MPPED2: variants seen among roughly 807,000 people sequenced by gnomAD.
MPPED2 encodes the protein metallophosphoesterase MPPED2.
In MPPED2, 5 loss-of-function variants were observed where a neutral mutation model predicts 33.0. The ratio of observed to expected loss-of-function variants is 0.15; its 90% CI spans 0.08 to 0.32. The LOEUF is 0.32. Ranked by LOEUF, MPPED2 falls within the 10% of genes least tolerant of loss-of-function variation. The pLI, the probability that MPPED2 is intolerant of heterozygous loss-of-function variation, is 1.00. For synonymous variants in MPPED2, 136 were observed against 141.9 expected (o/e 0.96, Z 0.29); for missense variants, 275 against 372.1 (o/e 0.74, Z 2.15).
chr11:30,405,894 G>A (rs1947981757), downstream of MPPED2, among the ~76,000 whole-genome samples: 1 of 152,102 alleles, frequency 6.6e-6, no homozygotes, highest in Admixed American at 6.5e-5. Flanking sequence ...TTTTCTACAA[G>A]TGTGGAATCT....
intron 4 of MPPED2, among the ~76,000 whole-genome samples, chr11:30,419,753 T>G (rs768004476): frequency 1.2e-4 from 18 of 152,162 alleles, no homozygotes; most frequent in Non-Finnish European, 2.1e-4. Flanking sequence ...ATCCTGAATC[T>G]TAAGACTTAT....
At chr11:30,547,185 C>T (rs12276680) in intron 2 of MPPED2, among the ~76,000 whole-genome samples, 34,852 of 152,122 alleles carry the variant, frequency 0.23, 4,315 homozygotes, top group East Asian at 0.42. Context: ...CAGTGTTAAG[C>T]AACTTCAAAC....
chr11:30,435,332 C>G (rs1321230550), intron 4 of MPPED2, among the ~76,000 whole-genome samples: 1 of 152,144 alleles, frequency 6.6e-6, no homozygotes, highest in Non-Finnish European at 1.5e-5. Flanking sequence ...TTCTTAAAGC[C>G]TTTTAACAAG....
intron 3 of MPPED2, among the ~76,000 whole-genome samples, chr11:30,532,207 C>G (rs1461756829): frequency 6.6e-6 from 1 of 152,192 alleles, no homozygotes; most frequent in Non-Finnish European, 1.5e-5. Context: ...CCTGCCCCAT[C>G]CAAATTCTAT....
chr11:30,498,160 A>T (rs968343481), intron 3 of MPPED2, among the ~76,000 whole-genome samples: 1 of 151,974 alleles, frequency 6.6e-6, no homozygotes, highest in African/African-American at 2.4e-5. Flanking sequence ...TAAAATTGTC[A>T]GGCAAAGAGG....
chr11:30,403,634 C>A (rs185899155), intron 6 of MPPED2, among the ~76,000 whole-genome samples: 2 of 152,306 alleles, frequency 1.3e-5, no homozygotes, highest in Admixed American at 6.5e-5. Flanking sequence ...CCATTTGATG[C>A]TTCAAATCTT....
At chr11:30,521,329 C>T (rs900571230) in intron 3 of MPPED2, among the ~76,000 whole-genome samples, 3 of 152,174 alleles carry the variant, frequency 2.0e-5, no homozygotes, top group African/African-American at 7.2e-5. Context: ...TCATCCCCAC[C>T]AGCCCCATTT....
chr11:30,537,499 T>G (rs1954875985), intron 2 of MPPED2, among the ~76,000 whole-genome samples: 1 of 152,350 alleles, frequency 6.6e-6, no homozygotes, highest in South Asian at 2.1e-4. Context: ...CTTTATTTAT[T>G]TATTTTCTTA....
At chr11:30,446,187 G>C (rs1315208571) in intron 4 of MPPED2, among the ~76,000 whole-genome samples, 1 of 152,186 alleles carries the variant, frequency 6.6e-6, no homozygotes, top group Non-Finnish European at 1.5e-5. Context: ...TCCAGGCCCT[G>C]GGAATTCTGT....
chr11:30,445,676 A>C (rs1949773311), intron 4 of MPPED2, among the ~76,000 whole-genome samples: 1 of 152,168 alleles, frequency 6.6e-6, no homozygotes. Flanking sequence ...TGACCACTCT[A>C]AGTACCTCAT....
chr11:30,416,405 C>T (rs1417216193), intron 5 of MPPED2, among the ~76,000 whole-genome samples: 2 of 152,134 alleles, frequency 1.3e-5, no homozygotes, highest in Non-Finnish European at 2.9e-5. Context: ...GAGAAAATAT[C>T]TACAAAAATT....
At chr11:30,566,931 G>A (rs933266002) in intron 2 of MPPED2, among the ~76,000 whole-genome samples, 1 of 152,062 alleles carries the variant, frequency 6.6e-6, no homozygotes, top group East Asian at 1.9e-4. Flanking sequence ...CCTAAAAAGG[G>A]GACAAAGCTA....
At chr11:30,414,661 A>G (rs1279664232) in intron 5 of MPPED2, among the ~76,000 whole-genome samples, 1 of 151,972 alleles carries the variant, frequency 6.6e-6, no homozygotes, top group Non-Finnish European at 1.5e-5. Context: ...CGGCAGTCCC[A>G]TAATATCTCT....
chr11:30,506,650 A>G (rs1413084852), intron 3 of MPPED2, among the ~76,000 whole-genome samples: 1 of 152,242 alleles, frequency 6.6e-6, no homozygotes, highest in East Asian at 1.9e-4. Flanking sequence ...ATTTTAAACC[A>G]TTAAGTATGG....
intron 4 of MPPED2, among the ~76,000 whole-genome samples, chr11:30,481,048 G>A (rs1951462941): frequency 6.6e-6 from 1 of 152,074 alleles, no homozygotes; most frequent in Non-Finnish European, 1.5e-5. Flanking sequence ...GTGAGGAAAT[G>A]CACAAAATTG....
chr11:30,414,253 G>A lies in MPPED2; in HGVS notation c.741C>T (p.Leu247=). 1 of 1,613,750 alleles carries A rather than the reference G, an allele frequency of 6.2e-7. No individual in the cohort carries two copies. The highest frequency in any genetic ancestry group is 8.5e-7 in the Non-Finnish European group (1 of 1,179,750). Residue 247 remains leucine (L), a synonymous_variant, in exon 6 of 7, where the codon CTC becomes CTT. Transcript: ENST00000358117. ...CTTCATGGATTCCACCAAACACATG[G>A]AGCTTGGGCCGGACTCGCCTCTGAA... The part of the protein sequence containing the change: ...NTVQRRVRPK[L]HVFGGIHEGY...
At position 30,469,467 on chromosome 11, in the gene MPPED2, T is replaced by C. The variant is rs117481715; in HGVS notation, c.536+25829A>G. On this transcript the variant is annotated intron_variant, in intron 4 of 6. Transcript: ENST00000358117. ...GCATGCCTACTGTTACTCCTTTTTATAGATGAAAAATCTCAGAATCGGAGA... is the reference window on the plus strand; with the variant it reads ...GCATGCCTACTGTTACTCCTTTTTACAGATGAAAAATCTCAGAATCGGAGA... Among the ~76,000 whole-genome samples, 575 of 152,296 alleles carry C rather than the reference T, an allele frequency of 3.8e-3. 13 individuals carry two copies. The East Asian group carries it at 0.067, about 18-fold the overall frequency.
At chr11:30,399,972 C>T (rs186756562) in intron 6 of MPPED2, among the ~76,000 whole-genome samples, 4 of 152,286 alleles carry the variant, frequency 2.6e-5, no homozygotes, top group African/African-American at 7.2e-5. Flanking sequence ...ACATCTTTCA[C>T]TGTAATTAGA....
intron 4 of MPPED2, among the ~76,000 whole-genome samples, chr11:30,435,005 T>A (rs978625702): frequency 8.5e-5 from 13 of 152,324 alleles, no homozygotes; most frequent in African/African-American, 2.9e-4. Context: ...CTTCTTCTCC[T>A]TCAAATTTGC....
Sources: gnomAD v4.1 joint callset for allele counts (sites outside exome capture counted in the v4.1 genomes callset) on GRCh38, gnomAD v4.1.1 for gene constraint, MANE v1.5 for transcripts, NCBI Gene and HGNC (gene_info 2026-07-23, HGNC 2026-07-21) for gene names.